Variants in KDM5A observed in about 807,000 individuals in gnomAD.
KDM5A encodes lysine-specific demethylase 5A.
A neutral mutation model predicts 193.5 loss-of-function variants in KDM5A; 42 were observed. The observed-to-expected ratio is 0.22, with a 90% CI of 0.17 to 0.28. The LOEUF is 0.28. Among genes scored for constraint, KDM5A ranks in the 10% least tolerant of loss-of-function variants. The probability of loss-of-function intolerance (pLI) is 1.00; values close to 1 mark genes in which losing one functional copy is unlikely to be tolerated. For missense variants in KDM5A, 1,692 were observed against 2,055.1 expected (o/e 0.82, Z 3.42); for synonymous variants, 796 against 718.1 (o/e 1.11, Z -1.73).
chr12:357,688 C>A (rs1397439033), intron 5 of KDM5A, among the ~76,000 whole-genome samples: 1 of 151,594 alleles, frequency 6.6e-6, no homozygotes. Flanking sequence ...ATTAGCCAGG[C>A]ATGGTGGCGC....
At chr12:388,098 G>T (rs1315928723) in intron 1 of KDM5A, 1 of 254,750 alleles carries the variant, frequency 3.9e-6, no homozygotes, top group Admixed American at 4.6e-5. Context: ...TGACCCTGGT[G>T]CAAGTGGTCC....
At chr12:387,290 G>T in intron 1 of KDM5A, 1 of 360,726 alleles carries the variant, frequency 2.8e-6, no homozygotes, top group South Asian at 2.1e-5. Flanking sequence ...ATTAAATTCT[G>T]ATTGTAAACA....
chr12:366,798 G>A (rs1402516101), intron 3 of KDM5A, among the ~76,000 whole-genome samples: 1 of 152,200 alleles, frequency 6.6e-6, no homozygotes, highest in Non-Finnish European at 1.5e-5. Context: ...TCCAGGAGCT[G>A]TTACTATACA....
chr12:298,043 A>G (rs1381519908), intron 24 of KDM5A, among the ~76,000 whole-genome samples: 1 of 152,252 alleles, frequency 6.6e-6, no homozygotes, highest in Admixed American at 6.5e-5. Flanking sequence ...CAGCAGCCCC[A>G]GTCAGGGACT....
Position 352,303 on chromosome 12 carries a change from C to T in KDM5A, c.1051G>A (p.Ala351Thr), listed in dbSNP as rs1248630203. ...VAEECSKPRE[A>T]FGFEQAVREY... is the part of the protein sequence containing the mutation. ...CGTACAGCTTGTTCAAATCCAAAGG[C>T]TTCTCGAGGTTTGCTACATTCCTGG... Residue 351 changes from alanine to threonine, a missense_variant, in exon 9 of 28, where the codon GCC (alanine) becomes ACC (threonine). Transcript: ENST00000399788. 1 of 1,613,478 alleles carries T rather than the reference C, an allele frequency of 6.2e-7. No individual in the cohort carries two copies. The highest frequency in any genetic ancestry group is 8.5e-7 in the Non-Finnish European group (1 of 1,179,504).
chr12:380,676 T>C (rs1018203558), intron 3 of KDM5A, among the ~76,000 whole-genome samples: 6 of 152,084 alleles, frequency 3.9e-5, no homozygotes, highest in Admixed American at 1.3e-4. Context: ...TGAGCCAAGA[T>C]TGTGCCACTG....
At chr12:353,919 T>TC (rs1444556406) in intron 8 of KDM5A, among the ~76,000 whole-genome samples, 157 bp downstream of exon 8, 3 of 41,742 alleles carry the variant, frequency 7.2e-5, no homozygotes, top group African/African-American at 2.7e-4. Flanking sequence ...AGACACCATC[T>TC]CAAAAAAAAA....
At position 389,272 on chromosome 12, in the gene KDM5A, A is replaced by C; in HGVS notation, c.-181T>G. On this transcript the variant is annotated 5_prime_UTR_variant, in exon 1 of 28. Coordinates refer to ENST00000399788, the MANE Select transcript of KDM5A (RefSeq NM_001042603.3). ...CTCCCGTTTGTTATTGTTTCTTGCA[A>C]GGCTTTTCCACTGAGGTTCAGGACT... 1.4e-6 allele frequency: 1 copy of C among 730,358 alleles called. No individual in the cohort carries two copies. The highest frequency in any genetic ancestry group is 2.4e-6 in the Non-Finnish European group (1 of 409,348). The allele number at this position is 730,358 out of a possible 1,614,324, so 45.2% of individuals were successfully genotyped here. A position where few individuals can be genotyped will look rare whatever the true frequency, so the allele number is the denominator to read the frequency against.
chr12:356,458 A>C lies in KDM5A; in HGVS notation c.752T>G (p.Leu251Trp). The C allele has an allele frequency of 6.2e-7, 1 of 1,611,826 alleles. No individual in the cohort carries two copies. Among genetic ancestry groups the C allele is most frequent in the Non-Finnish European group, 8.5e-7 (1 of 1,177,924 alleles). ...TTCTTTATCTTTTGTTCCCATTGCC[A>C]AGCCCACAACCTTGGGCCCAGCCCC... ...IFGAGPKVVGLAMGTKDKEDE... is the reference protein window; with the variant it reads ...IFGAGPKVVGWAMGTKDKEDE... The change falls in exon 6 of 28, where the codon TTG (leucine) becomes TGG (tryptophan). Residue 251 changes from leucine to tryptophan, a missense_variant. Leu to Trp is a moderately conservative substitution (Grantham distance 61, BLOSUM62 -2). Coordinates refer to ENST00000399788, the MANE Select transcript of KDM5A (RefSeq NM_001042603.3).
intron 27 of KDM5A, 42 bp downstream of exon 27, chr12:292,717 T>C: frequency 6.2e-7 from 1 of 1,613,908 alleles, no homozygotes; most frequent in Non-Finnish European, 8.5e-7. Context: ...CAACTGTTGC[T>C]CCTTGACCTC....
chr12:298,302 C>T (rs938935697), intron 24 of KDM5A, among the ~76,000 whole-genome samples: 1 of 152,224 alleles, frequency 6.6e-6, no homozygotes, highest in Non-Finnish European at 1.5e-5. Context: ...AGAACTCTGG[C>T]TGGCATCTGG....
intron 10 of KDM5A, among the ~76,000 whole-genome samples, chr12:337,617 T>C (rs1256835711): frequency 6.6e-6 from 1 of 151,866 alleles, no homozygotes; most frequent in Non-Finnish European, 1.5e-5. Context: ...CGAAACAATA[T>C]GATAAACATA....
At chr12:336,706 T>C (rs778245719) in intron 10 of KDM5A, among the ~76,000 whole-genome samples, 4 of 151,620 alleles carry the variant, frequency 2.6e-5, no homozygotes, top group Non-Finnish European at 5.9e-5. Flanking sequence ...CCAAGCGTGG[T>C]GGTGCATGCC....
chr12:368,164 T>C (rs2137474001), intron 3 of KDM5A, among the ~76,000 whole-genome samples: 1 of 152,176 alleles, frequency 6.6e-6, no homozygotes, highest in South Asian at 2.1e-4. Flanking sequence ...AGAGACAAAA[T>C]GATGACTACT....
intron 3 of KDM5A, among the ~76,000 whole-genome samples, chr12:378,028 G>A (rs543835384): frequency 6.6e-6 from 1 of 152,214 alleles, no homozygotes; most frequent in South Asian, 2.1e-4. Flanking sequence ...ACACTAGAAG[G>A]GGATGACGGA....
rs768614328 is a variant in KDM5A at position 308,054 on chromosome 12, C to A, written c.3379-49G>T. The A allele has an allele frequency of 9.7e-6, 15 of 1,542,052 alleles. No homozygotes were observed. The African/African-American group carries it at 1.8e-4, about 18-fold the overall frequency. On this transcript the variant is annotated intron_variant, in intron 22 of 27. Transcript: ENST00000399788. ...GAAAAGAGTCACTGCAATATACCCC[C>A]CAAAATACCAAATCCTCAAGGCTGT...
chr12:314,717 T>C (rs941353245), intron 19 of KDM5A, among the ~76,000 whole-genome samples: 3 of 151,968 alleles, frequency 2.0e-5, no homozygotes, highest in Admixed American at 1.3e-4. Context: ...CAGGGTAGGG[T>C]TGGTAGAGGT....
Position 280,642 on chromosome 12 carries a change from C to CT in KDM5A, c.*4813dup. 4.3e-6 allele frequency: 1 copy of CT among 233,148 alleles called. No individual in the cohort carries two copies. Among genetic ancestry groups the CT allele is most frequent in the Admixed American group, 5.6e-5 (1 of 17,794 alleles). 14.4% of individuals were successfully genotyped at this position (233,148 alleles called of 1,614,324 possible). A position where few individuals can be genotyped will look rare whatever the true frequency, so the allele number is the denominator to read the frequency against. On this transcript the variant is annotated 3_prime_UTR_variant, in exon 28 of 28. Coordinates refer to ENST00000399788, the MANE Select transcript of KDM5A (RefSeq NM_001042603.3). Reference sequence around the variant, plus strand: ...GGTGCCATTTGCTTCTCTGAAGTAACTTGGGGTCTGAATTGGTTGTGAGCT... The same window carrying CT: ...GGTGCCATTTGCTTCTCTGAAGTAACTTTGGGGTCTGAATTGGTTGTGAGCT...
rs748692866 is a variant in KDM5A at position 309,857 on chromosome 12, C to A, written c.3324G>T (p.Glu1108Asp). The change falls in exon 22 of 28, where the codon GAG becomes GAT. Residue 1108 changes from glutamate to aspartate, a missense_variant. Physicochemically the swap from Glu to Asp is conservative, Grantham distance 45. Transcript: ENST00000399788. The part of the protein sequence containing the change: ...EKEKEKDLDL[E>D]PLSDLEEGLE... ...ATCCTTCCTCCAGATCACTCAGAGG[C>A]TCCAGGTCCAGATCCTTTTCTTTTT... The A allele has an allele frequency of 6.2e-6, 10 of 1,613,976 alleles. No individual in the cohort carries two copies. In the African/African-American group the frequency reaches 1.3e-4, roughly 22 times the overall value.
Sources: gnomAD v4.1 joint callset for allele counts (sites outside exome capture counted in the v4.1 genomes callset) on GRCh38, gnomAD v4.1.1 for gene constraint, MANE v1.5 for transcripts, NCBI Gene and HGNC (gene_info 2026-07-23, HGNC 2026-07-21) for gene names.